Variants in COL18A1 observed in about 807,000 individuals in gnomAD.
The protein encoded by COL18A1 is collagen alpha-1(XVIII) chain.
In COL18A1, 133 loss-of-function variants were observed where a neutral mutation model predicts 168.0. The observed-to-expected ratio is 0.79, with a 90% CI of 0.69 to 0.91. The LOEUF is 0.91. Ranked by LOEUF, COL18A1 falls within the 40% of genes least tolerant of loss-of-function variation. The pLI, the probability that COL18A1 is intolerant of heterozygous loss-of-function variation, is 0.00. For synonymous variants in COL18A1, 949 were observed against 809.0 expected (o/e 1.17, Z -2.94); for missense variants, 2,126 against 1,925.4 (o/e 1.10, Z -1.95).
At chr21:45,502,167 G>A (rs1402005303) in intron 32 of COL18A1, among the ~76,000 whole-genome samples, 1 of 152,232 alleles carries the variant, frequency 6.6e-6, no homozygotes, top group African/African-American at 2.4e-5. Flanking sequence ...GACAGCAGCA[G>A]TGACCTCCAA....
At chr21:45,451,534 G>A (rs552757400) in intron 2 of COL18A1, among the ~76,000 whole-genome samples, 2 of 152,326 alleles carry the variant, frequency 1.3e-5, no homozygotes, top group Admixed American at 1.3e-4. Flanking sequence ...CCAGCTCCTC[G>A]CTGGCCTTCA....
In COL18A1 at chr21:45,478,217, G is replaced by A. The variant is rs776811962; in HGVS notation, c.1222-110G>A. 1.2e-5 allele frequency: 17 copies of A among 1,447,770 alleles called. 1 individual carries two copies. The highest frequency in any genetic ancestry group is 3.4e-5 in the South Asian group (3 of 87,098). 89.7% of individuals were successfully genotyped at this position (1,447,770 alleles called of 1,614,324 possible). On this transcript the variant is annotated intron_variant, in intron 8 of 41. Transcript: ENST00000651438. ...GGGTGCGAGGACATCGGGGGAAGGC[G>A]TCTGCCGCCTCGTGGGGACTTGGAG...
chr21:45,453,235 T>A (rs1009475082), intron 2 of COL18A1, among the ~76,000 whole-genome samples: 2 of 152,222 alleles, frequency 1.3e-5, no homozygotes, highest in Non-Finnish European at 2.9e-5. Context: ...TGTGTGTGCT[T>A]GTGTATGCAT....
intron 26 of COL18A1, chr21:45,494,060 G>C (rs2036449630): frequency 7.0e-6 from 2 of 285,236 alleles, no homozygotes; most frequent in South Asian, 4.0e-5. Flanking sequence ...GTCCTGGGGA[G>C]AAGCCTGGAT....
chr21:45,416,098 G>T (rs1337713835), intron 2 of COL18A1, among the ~76,000 whole-genome samples: 3 of 152,214 alleles, frequency 2.0e-5, no homozygotes, highest in African/African-American at 7.2e-5. Flanking sequence ...TGGGAACGTG[G>T]CCACACCGGC....
intron 8 of COL18A1, 44 bp downstream of exon 8, chr21:45,478,009 G>A: frequency 9.2e-7 from 1 of 1,086,726 alleles, no homozygotes; most frequent in Middle Eastern, 2.2e-4. Flanking sequence ...TCTGGAGGGT[G>A]GGGGCTTGGG....
chr21:45,451,223 A>G (rs1205153199), intron 2 of COL18A1, among the ~76,000 whole-genome samples: 1 of 152,224 alleles, frequency 6.6e-6, no homozygotes, highest in Admixed American at 6.5e-5. Context: ...AGCGGGGGCC[A>G]TGGTACCACA....
intron 32 of COL18A1, among the ~76,000 whole-genome samples, chr21:45,501,753 ACCTCCCTCTGC>A (rs1216088488): frequency 7.5e-4 from 72 of 96,626 alleles, no homozygotes; most frequent in East Asian, 1.7e-3. Flanking sequence ...ACAGCCGGTC[ACCTCCCTCTGC>A]AGAAGGACCC....
rs1333287034 is a variant in COL18A1, at chr21:45,463,066, T to C, written c.107-5176T>C. 6.6e-6 allele frequency among the ~76,000 whole-genome samples: 1 copy of C among 152,208 alleles called. No individual in the cohort carries two copies. The highest frequency in any genetic ancestry group is 1.5e-5 in the Non-Finnish European group (1 of 68,028). ...TTTTTCAATGTCCCGTTCTTTCATG[T>C]TTGGCTCCCAAAGGAGGAATAAGAT... On this transcript the variant is annotated intron_variant, in intron 2 of 41. Coordinates refer to ENST00000651438, the MANE Select transcript of COL18A1 (RefSeq NM_001379500.1). This position sits in a 1 kb window ranked among gnomAD's most constrained non-coding sequence, Gnocchi z 4.0.
intron 29 of COL18A1, 24 bp downstream of exon 29, chr21:45,495,456 C>G (rs1267851713): frequency 1.9e-6 from 3 of 1,579,140 alleles, no homozygotes; most frequent in Admixed American, 1.8e-5. Context: ...AAGGGGCGGA[C>G]TGGGTGGCTG....
At chr21:45,459,356 G>T (rs1016442226) in intron 2 of COL18A1, among the ~76,000 whole-genome samples, 8 of 152,218 alleles carry the variant, frequency 5.3e-5, no homozygotes, top group African/African-American at 1.7e-4. Context: ...TGGGGGTGCT[G>T]GGCTGTGATC....
At chr21:45,479,356 C>T (rs540341766) in intron 9 of COL18A1, among the ~76,000 whole-genome samples, 217 of 147,600 alleles carry the variant, frequency 1.5e-3, no homozygotes, top group Middle Eastern at 3.5e-3. Flanking sequence ...ACTACACACA[C>T]GTGTGTGCAC....
chr21:45,449,431 A>G (rs2034573789), intron 2 of COL18A1, among the ~76,000 whole-genome samples: 1 of 152,188 alleles, frequency 6.6e-6, no homozygotes, highest in South Asian at 2.1e-4. Context: ...CCGAGCGGTC[A>G]GAGGGACACC....
intron 3 of COL18A1, among the ~76,000 whole-genome samples, chr21:45,472,638 C>T (rs2035481962): frequency 6.6e-6 from 1 of 152,120 alleles, no homozygotes; most frequent in Admixed American, 6.5e-5. Context: ...GGACAGTGGA[C>T]CCTGGACCCC....
At chr21:45,446,712 G>T (rs1325614937) in intron 2 of COL18A1, among the ~76,000 whole-genome samples, 1 of 152,008 alleles carries the variant, frequency 6.6e-6, no homozygotes, top group East Asian at 1.9e-4. Context: ...AAAGAAAATT[G>T]CAGACTAGTT....
At chr21:45,418,374 T>TCTTC (rs1390760990) in intron 2 of COL18A1, among the ~76,000 whole-genome samples, 2 of 152,054 alleles carry the variant, frequency 1.3e-5, no homozygotes, top group Non-Finnish European at 2.9e-5. Flanking sequence ...GGCAGCTCAG[T>TCTTC]GCTGGGCTCA....
intron 2 of COL18A1, among the ~76,000 whole-genome samples, chr21:45,416,252 G>A (rs536212051): frequency 1.3e-5 from 2 of 152,212 alleles, no homozygotes; most frequent in African/African-American, 4.8e-5. Flanking sequence ...CAGTAGGGCC[G>A]GCCAGCCTGG....
intron 2 of COL18A1, among the ~76,000 whole-genome samples, chr21:45,452,022 G>T (rs184661757): frequency 6.6e-6 from 1 of 152,226 alleles, no homozygotes; most frequent in Admixed American, 6.5e-5. Flanking sequence ...AGGAGGCACC[G>T]AGGAGCCGCA....
At chr21:45,506,070 A>C in intron 37 of COL18A1, 104 bp downstream of exon 37, 1 of 1,556,818 alleles carries the variant, frequency 6.4e-7, no homozygotes, top group Non-Finnish European at 8.8e-7. Flanking sequence ...GGATGGGAGC[A>C]GGTGGCAGCC....
Sources: allele counts gnomAD v4.1 joint callset (sites outside exome capture counted in the v4.1 genomes callset), GRCh38; gene constraint gnomAD v4.1.1; non-coding constraint Gnocchi (gnomAD v3.1); transcripts MANE v1.5; gene names NCBI Gene and HGNC (gene_info 2026-07-23, HGNC 2026-07-21).